ANO1: variants seen among roughly 807,000 people sequenced by gnomAD.
ANO1 encodes anoctamin 1.
In ANO1, 59 loss-of-function variants were observed where a neutral mutation model predicts 124.0. The observed-to-expected ratio is 0.48, with a 90% CI of 0.39 to 0.59. The LOEUF is 0.59. Among genes scored for constraint, ANO1 ranks in the 20% least tolerant of loss-of-function variants. The pLI, the probability that ANO1 is intolerant of heterozygous loss-of-function variation, is 0.00. For synonymous variants in ANO1, 529 were observed against 532.0 expected, an observed-to-expected ratio of 0.99 and a Z score of 0.08; for missense variants, 1,059 against 1,328.0, an observed-to-expected ratio of 0.80 and a Z score of 3.15.
intron 16 of ANO1, 93 bp from the exon 17 acceptor site, chr11:70,161,068 T>C (rs1482802316): frequency 1.2e-5 from 14 of 1,201,696 alleles, no homozygotes; most frequent in South Asian, 6.1e-5. Flanking sequence ...AGCGGGAAGG[T>C]TGGGGGACAG....
At chr11:70,048,647 T>C (rs1555005936) in intron 1 of ANO1, among the ~76,000 whole-genome samples, 1 of 150,902 alleles carries the variant, frequency 6.6e-6, no homozygotes, top group Non-Finnish European at 1.5e-5. Context: ...CTCTCTGTCT[T>C]CCCACACTTC....
upstream of ANO1, among the ~76,000 whole-genome samples, chr11:69,984,694 T>A (rs1554996667): frequency 6.6e-6 from 1 of 151,984 alleles, no homozygotes; most frequent in African/African-American, 2.4e-5. Flanking sequence ...CCTCCAGGGG[T>A]AGCCGGGTCT....
Position 70,062,151 on chromosome 11 carries a change from A to T in ANO1, c.59-16391A>T, listed in dbSNP as rs113628561. ...GAGTGCAATGGTGCAATCTTGGCTC[A>T]CTGCAACCTCTGCCTCTGAGGTTCA... is the stretch of plus-strand genomic sequence containing the variant. On this transcript the variant is annotated intron_variant, in intron 1 of 27. Transcript: ENST00000531349. Among the ~76,000 whole-genome samples the T allele has an allele frequency of 3.9e-5, 5 of 129,460 alleles. No individual in the cohort carries two copies. The Admixed American group carries it at 5.3e-4, about 14-fold the overall frequency. 84.9% of individuals were successfully genotyped at this position (129,460 alleles called of 152,430 possible). A position where few individuals can be genotyped will look rare whatever the true frequency, so the allele number is the denominator to read the frequency against.
chr11:70,122,534 TATCTCTGTCTCTCC>T (rs896999553), intron 8 of ANO1, among the ~76,000 whole-genome samples: 2 of 149,870 alleles, frequency 1.3e-5, no homozygotes, highest in African/African-American at 2.5e-5. Context: ...TCTGTCTCTC[TATCTCTGTCTCTCC>T]ATCTGCCTCT....
intron 1 of ANO1, among the ~76,000 whole-genome samples, chr11:70,060,468 C>A (rs1412233193): frequency 6.6e-6 from 1 of 152,158 alleles, no homozygotes; most frequent in Non-Finnish European, 1.5e-5. Context: ...GAAACACAGT[C>A]GTGTGGTTCA....
chr11:70,123,682 G>A (rs111369481), intron 8 of ANO1, among the ~76,000 whole-genome samples: 1 of 152,216 alleles, frequency 6.6e-6, no homozygotes. Context: ...CCCTGAGTGT[G>A]GCCCTGTAGC....
chr11:70,159,106 C>T (rs542234295), intron 16 of ANO1, among the ~76,000 whole-genome samples: 12 of 152,294 alleles, frequency 7.9e-5, no homozygotes, highest in African/African-American at 1.7e-4. Flanking sequence ...GGTGGCCCCA[C>T]GATGCCATCA....
At chr11:70,014,526 A>G (rs1856665410) in intron 1 of ANO1, among the ~76,000 whole-genome samples, 1 of 152,088 alleles carries the variant, frequency 6.6e-6, no homozygotes, top group African/African-American at 2.4e-5. Flanking sequence ...TTGGGAGTCC[A>G]CCACACGTGG....
intron 7 of ANO1, among the ~76,000 whole-genome samples, chr11:70,115,667 G>A (rs539483977): frequency 6.6e-6 from 1 of 152,228 alleles, no homozygotes; most frequent in South Asian, 2.1e-4. Context: ...AGCCAGGCCA[G>A]GCCAGCCATG....
At chr11:69,986,196 G>C (rs1554996852) in intron 1 of ANO1, 1 of 152,404 alleles carries the variant, frequency 6.6e-6, no homozygotes, top group African/African-American at 2.4e-5. Flanking sequence ...CGGGGGGTGA[G>C]GGACCGCGAG....
At chr11:70,038,273 C>G (rs1362866456) in intron 1 of ANO1, among the ~76,000 whole-genome samples, 1 of 152,168 alleles carries the variant, frequency 6.6e-6, no homozygotes, top group Non-Finnish European at 1.5e-5. Context: ...GACTAGCTTC[C>G]TCTTTTCTTT....
the ANO1 span, among the ~76,000 whole-genome samples, chr11:69,970,084 G>A: frequency 2.0e-5 from 3 of 152,322 alleles, no homozygotes; most frequent in East Asian, 5.8e-4. Flanking sequence ...GCAGGGGTGA[G>A]GGTGACGTGT....
intron 1 of ANO1, among the ~76,000 whole-genome samples, chr11:70,058,788 C>T (rs1386153523): frequency 2.0e-5 from 3 of 152,130 alleles, no homozygotes; most frequent in Non-Finnish European, 4.4e-5. Flanking sequence ...GATCATTAGT[C>T]CATTCTACCT....
chr11:70,108,380 T>G lies in ANO1; in HGVS notation c.775T>G (p.Cys259Gly). The change falls in exon 6 of 26, where the codon TGT (cysteine) becomes GGT (glycine). Residue 259 changes from cysteine (C) to glycine (G), a missense_variant. Coordinates refer to ENST00000355303, the MANE Select transcript of ANO1 (RefSeq NM_018043.7). ...IVYEILKRTTCTKAKYSMGIT... is the reference protein window; with the variant it reads ...IVYEILKRTTGTKAKYSMGIT... ...CTATGAGATCTTGAAGAGAACGACG[T>G]GTACAAAGGCCAAGTACAGCATGGG... 6.2e-7 allele frequency: 1 copy of G among 1,612,776 alleles called. No homozygotes were observed. Among genetic ancestry groups the G allele is most frequent in the African/African-American group, 1.3e-5 (1 of 75,018 alleles).
chr11:70,187,793 A>G lies in ANO1; in HGVS notation c.2750A>G (p.Lys917Arg). 6.2e-7 allele frequency: 1 copy of G among 1,609,842 alleles called. No homozygotes were observed. The highest frequency in any genetic ancestry group is 8.5e-7 in the Non-Finnish European group (1 of 1,178,324). ...GACTGGGTCATCCCGGACATCCCCA[A>G]GGACATCAGCCAGCAGATCCACAAG... is the stretch of plus-strand genomic sequence containing the variant. ...FVDWVIPDIP[K>R]DISQQIHKEK... The change falls in exon 26 of 26, where the codon AAG (lysine) becomes AGG (arginine). Residue 917 changes from lysine to arginine, a missense_variant. Lys to Arg is a conservative substitution (Grantham distance 26). Transcript: ENST00000355303.
At chr11:70,057,013 T>C (rs1420501910) in intron 1 of ANO1, among the ~76,000 whole-genome samples, 1 of 151,456 alleles carries the variant, frequency 6.6e-6, no homozygotes, top group Non-Finnish European at 1.5e-5. Context: ...AAATTGTCCA[T>C]CTTCCCATTT....
chr11:70,180,536 G>A (rs2048890971), intron 23 of ANO1, among the ~76,000 whole-genome samples: 1 of 152,158 alleles, frequency 6.6e-6, no homozygotes, highest in South Asian at 2.1e-4. Context: ...GCCTCCCAAA[G>A]TGCTGGGATT....
intron 1 of ANO1, among the ~76,000 whole-genome samples, chr11:69,988,993 G>A (rs1282349780): frequency 6.6e-6 from 1 of 151,352 alleles, no homozygotes; most frequent in African/African-American, 2.4e-5. Flanking sequence ...AGTAGGGAGG[G>A]AGGTAGGGAG....
At chr11:69,966,607 T>A in the ANO1 span, among the ~76,000 whole-genome samples, 1 of 151,402 alleles carries the variant, frequency 6.6e-6, no homozygotes, top group African/African-American at 2.4e-5. Flanking sequence ...ATGGAAGAGC[T>A]GGCGATGGAG....
Sources: gnomAD v4.1 joint callset for allele counts (sites outside exome capture counted in the v4.1 genomes callset) on GRCh38, gnomAD v4.1.1 for gene constraint, MANE v1.5 for transcripts, NCBI Gene and HGNC (gene_info 2026-07-23, HGNC 2026-07-21) for gene names.